Variants in EFEMP2 observed in about 807,000 individuals in gnomAD.
The protein encoded by EFEMP2 is EGF-containing fibulin-like extracellular matrix protein 2.
A neutral mutation model predicts 55.3 loss-of-function variants in EFEMP2; 21 were observed. The observed-to-expected ratio is 0.38, with a 90% CI of 0.27 to 0.55. The LOEUF (loss-of-function observed/expected upper bound fraction) is 0.55, where lower values mean the gene tolerates loss of function less well. Among genes scored for constraint, EFEMP2 ranks in the 20% least tolerant of loss-of-function variants. The pLI, the probability that EFEMP2 is intolerant of heterozygous loss-of-function variation, is 0.77. For missense variants in EFEMP2, 513 were observed against 615.1 expected (o/e 0.83, Z 1.76); for synonymous variants, 275 against 242.3 (o/e 1.14, Z -1.25).
At chr11:65,871,879 G>T in intron 3 of EFEMP2, 91 bp downstream of exon 3, 1 of 1,478,918 alleles carries the variant, frequency 6.8e-7, no homozygotes. Context: ...GGCTCCCACG[G>T]CAGTTCTTGG....
chr11:65,868,133 G>A (rs1859894743), intron 9 of EFEMP2, 77 bp from the exon 10 acceptor site: 3 of 1,571,742 alleles, frequency 1.9e-6, no homozygotes, highest in East Asian at 2.3e-5. Context: ...CAAAGGGAGG[G>A]AATCCCAAAA....
In EFEMP2 at chr11:65,871,167, G is replaced by T; in HGVS notation, c.357C>A (p.Asp119Glu). 4 of 1,614,178 alleles carry T rather than the reference G, an allele frequency of 2.5e-6. No individual in the cohort carries two copies. Among genetic ancestry groups the T allele is most frequent in the Non-Finnish European group, 3.4e-6 (4 of 1,180,036 alleles). Residue 119 changes from aspartate to glutamate, a missense_variant, in exon 4 of 11, where the codon GAC becomes GAA. By Grantham distance (45) the Asp-to-Glu change is conservative. Transcript: ENST00000307998. ...CPPGYEPDDQ[D>E]SCVDVDECAQ... ...GCAGTCCCCACTCACCCACACAGCT[G>T]TCCTGATCGTCGGGCTCATAGCCTG...
chr11:65,871,500 CT>C, intron 3 of EFEMP2, 137 bp from the exon 4 acceptor site: 1 of 844,988 alleles, frequency 1.2e-6, no homozygotes, highest in Non-Finnish European at 1.9e-6. Flanking sequence ...CAAGCTAAGT[CT>C]GCCTGCTCAG....
Position 65,867,094 on chromosome 11 carries a change from G to A in EFEMP2, c.1171-15C>T. 2 of 1,613,786 alleles carry A rather than the reference G, an allele frequency of 1.2e-6. No individual in the cohort carries two copies. Among genetic ancestry groups the A allele is most frequent in the Non-Finnish European group, 1.7e-6 (2 of 1,179,998 alleles). ...TTGTTGATTTGCTGCAGGGCAGTGG[G>A]TGGGGGGACATATATATTGTGTCAG... On this transcript the variant is annotated splice_polypyrimidine_tract_variant and intron_variant, in intron 10 of 10. Coordinates refer to ENST00000307998, the MANE Select transcript of EFEMP2 (RefSeq NM_016938.5).
chr11:65,867,445 A>G, intron 10 of EFEMP2: 1 of 431,428 alleles, frequency 2.3e-6, no homozygotes, highest in Non-Finnish European at 4.3e-6. Flanking sequence ...GGCTGGTACT[A>G]GACAAACCCC....
rs975534175 is a variant in EFEMP2, at chr11:65,872,239, C to A, written c.111+5G>T. The A allele has an allele frequency of 6.4e-7, 1 of 1,550,936 alleles. No individual in the cohort carries two copies. Among genetic ancestry groups the A allele is most frequent in the Non-Finnish European group, 8.7e-7 (1 of 1,146,496 alleles). ...TCCCAGGCCAGCGGCCCTCACTGTCCCCACCGTGTAGCTGTCGGGCTCTTC... is the reference window on the plus strand; with the variant it reads ...TCCCAGGCCAGCGGCCCTCACTGTCACCACCGTGTAGCTGTCGGGCTCTTC... On this transcript the variant is annotated splice_donor_5th_base_variant and intron_variant, in intron 2 of 10. Transcript: ENST00000307998.
At position 65,871,031 on chromosome 11, in the gene EFEMP2, T is replaced by A. The variant is rs956500020; in HGVS notation, c.367+126A>T. Reference sequence around the variant, plus strand: ...CACCTGCGGCAGGTCCTAAACAACATGAGTGTCTGGATGAGGGTGTGGACA... The same window carrying A: ...CACCTGCGGCAGGTCCTAAACAACAAGAGTGTCTGGATGAGGGTGTGGACA... On this transcript the variant is annotated intron_variant, in intron 4 of 10. Coordinates refer to ENST00000307998, the MANE Select transcript of EFEMP2 (RefSeq NM_016938.5). 8 of 1,190,826 alleles carry A rather than the reference T, an allele frequency of 6.7e-6. No homozygotes were observed. The African/African-American group carries it at 1.1e-4, about 16-fold the overall frequency. 73.8% of individuals were successfully genotyped at this position (1,190,826 alleles called of 1,614,324 possible).
intron 2 of EFEMP2, 101 bp downstream of exon 2, chr11:65,872,143 C>T: frequency 6.7e-7 from 1 of 1,493,792 alleles, no homozygotes. Flanking sequence ...AGCTCTCCAC[C>T]AGCCAGGGGA....
chr11:65,867,063 C>T lies in EFEMP2; in HGVS notation c.1187G>A (p.Ser396Asn). The T allele has an allele frequency of 1.2e-6, 2 of 1,614,134 alleles. No homozygotes were observed. The highest frequency in any genetic ancestry group is 1.7e-6 in the Non-Finnish European group (2 of 1,180,022). Reference protein sequence around the residue: ...DFYIRQINNVSAMLVLARPVT... With the variant: ...DFYIRQINNVNAMLVLARPVT... Reference sequence around the variant, plus strand: ...CGGCCGGGCGAGGACCAGCATGGCGCTGACGTTGTTGATTTGCTGCAGGGC... The same window carrying T: ...CGGCCGGGCGAGGACCAGCATGGCGTTGACGTTGTTGATTTGCTGCAGGGC... The change falls in exon 11 of 11, where the codon AGC becomes AAC. Residue 396 changes from serine (S) to asparagine (N), a missense_variant. Physicochemically the swap from Ser to Asn is conservative, Grantham distance 46. Coordinates refer to ENST00000307998, the MANE Select transcript of EFEMP2 (RefSeq NM_016938.5).
In EFEMP2 at chr11:65,869,897, G is replaced by A. The variant is rs144958894; in HGVS notation, c.687C>T (p.His229=). The change falls in exon 7 of 11, where the codon CAC becomes CAT. Residue 229 remains histidine (H), a synonymous_variant. Coordinates refer to ENST00000307998, the MANE Select transcript of EFEMP2 (RefSeq NM_016938.5). The part of the protein sequence containing the change: ...NSYGTFLCRC[H]QGYELHRDGF... ...CATCCCGATGCAGCTCATAGCCCTGGTGGCAGCGACACAGGAAGGTCCCAT... is the reference window on the plus strand; with the variant it reads ...CATCCCGATGCAGCTCATAGCCCTGATGGCAGCGACACAGGAAGGTCCCAT... The A allele has an allele frequency of 3.1e-6, 5 of 1,613,986 alleles. No individual in the cohort carries two copies. The highest frequency in any genetic ancestry group is 1.3e-5 in the African/African-American group (1 of 74,930).
chr11:65,868,188 T>A, intron 9 of EFEMP2, 107 bp downstream of exon 9: 1 of 1,571,410 alleles, frequency 6.4e-7, no homozygotes, highest in Non-Finnish European at 8.7e-7. Flanking sequence ...GGACTATGAT[T>A]CCCATCATCC....
intron 8 of EFEMP2, 28 bp from the exon 9 acceptor site, chr11:65,868,449 G>A (rs757673906): frequency 1.1e-5 from 18 of 1,613,674 alleles, no homozygotes; most frequent in East Asian, 6.7e-5. Context: ...GGCTGGAATC[G>A]GGGGCGTCAG....
intron 4 of EFEMP2, 198 bp downstream of exon 4, chr11:65,870,959 G>C: frequency 2.6e-6 from 2 of 755,312 alleles, no homozygotes; most frequent in East Asian, 5.4e-5. Context: ...CAGCAACCGA[G>C]GGGAGGGGCC....
Position 65,868,384 on chromosome 11 carries a change from G to T in EFEMP2, c.885C>A (p.Ser295=), listed in dbSNP as rs142509316. ...GGAAGTTGACACAGGTTTGGGCCTCGGAGCACTGGTGCGCACCAGACTCAC... is the reference window on the plus strand; with the variant it reads ...GGAAGTTGACACAGGTTTGGGCCTCTGAGCACTGGTGCGCACCAGACTCAC... ...DECESGAHQC[S]EAQTCVNFHG... The change falls in exon 9 of 11, where the codon TCC becomes TCA. Residue 295 remains serine, a synonymous_variant. Transcript: ENST00000307998. 1 of 1,613,936 alleles carries T rather than the reference G, an allele frequency of 6.2e-7. No homozygotes were observed. Among genetic ancestry groups the T allele is most frequent in the South Asian group, 1.1e-5 (1 of 91,088 alleles).
intron 4 of EFEMP2, 105 bp downstream of exon 4, chr11:65,871,052 G>A (rs1053733762): frequency 1.5e-6 from 2 of 1,322,044 alleles, no homozygotes; most frequent in African/African-American, 2.9e-5. Context: ...ATGAGGGTGT[G>A]GACATCACCA....
At chr11:65,872,045 G>A in intron 2 of EFEMP2, 27 bp from the exon 3 acceptor site, 1 of 1,551,440 alleles carries the variant, frequency 6.4e-7, no homozygotes, top group Non-Finnish European at 8.7e-7. Context: ...AGTGGCCAGT[G>A]GTCACCCTAA....
Position 65,870,271 on chromosome 11 carries a change from G to A in EFEMP2, c.491-34C>T, listed in dbSNP as rs1304675896. 1.9e-6 allele frequency: 3 copies of A among 1,585,114 alleles called. No homozygotes were observed. In the African/African-American group the frequency reaches 4.0e-5, roughly 21 times the overall value. The stretch of plus-strand genomic sequence containing the variant: ...AGAGGCAGGAGAAGGAGGGCGGAGG[G>A]CAGAGGGCAGAGGGCAGGTGGGCTC... On this transcript the variant is annotated intron_variant, in intron 5 of 10. Coordinates refer to ENST00000307998, the MANE Select transcript of EFEMP2 (RefSeq NM_016938.5).
intron 7 of EFEMP2, 121 bp from the exon 8 acceptor site, chr11:65,868,750 T>G: frequency 3.2e-5 from 45 of 1,391,472 alleles, no homozygotes; most frequent in Admixed American, 1.3e-4. Context: ...CAGAGGGGGA[T>G]GAGACAAGCC....
In EFEMP2 at chr11:65,868,409, C is replaced by CA. The variant is rs1423701653; in HGVS notation, c.859dup (p.Cys287LeufsTer2). 2 of 1,613,956 alleles carry CA rather than the reference C, an allele frequency of 1.2e-6. No homozygotes were observed. Among genetic ancestry groups the CA allele is most frequent in the Non-Finnish European group, 1.7e-6 (2 of 1,180,028 alleles). On this transcript the variant is annotated frameshift_variant, in exon 9 of 11. Transcript: ENST00000307998. LOFTEE classifies it high-confidence loss of function. Reference sequence around the variant, plus strand: ...GGAGCACTGGTGCGCACCAGACTCACACTCATCAATGTCTGTGCCAGGGGA... The same window carrying CA: ...GGAGCACTGGTGCGCACCAGACTCACAACTCATCAATGTCTGTGCCAGGGGA...
Sources: gnomAD v4.1 joint callset for allele counts on GRCh38, gnomAD v4.1.1 for gene constraint, MANE v1.5 for transcripts, NCBI Gene and HGNC (gene_info 2026-07-23, HGNC 2026-07-21) for gene names.